PIK3AP1: variants seen among roughly 807,000 people sequenced by gnomAD.
The protein encoded by PIK3AP1 is phosphoinositide 3-kinase adapter protein 1.
PIK3AP1 carries 21 observed loss-of-function variants against 88.1 expected under a neutral mutation model. That is an observed-to-expected ratio of 0.24 (90% CI 0.17 to 0.34). The LOEUF is 0.34. PIK3AP1 is among the 10% of genes least tolerant of loss of function. The probability of loss-of-function intolerance (pLI) is 1.00; values close to 1 mark genes in which losing one functional copy is unlikely to be tolerated. For missense variants in PIK3AP1, 828 were observed against 1,035.7 expected, an observed-to-expected ratio of 0.80 and a Z score of 2.75; for synonymous variants, 398 against 400.0, an observed-to-expected ratio of 1.00 and a Z score of 0.06.
At chr10:96,630,756 T>C (rs555768872) in intron 8 of PIK3AP1, among the ~76,000 whole-genome samples, 1 of 151,946 alleles carries the variant, frequency 6.6e-6, no homozygotes, top group East Asian at 1.9e-4. Context: ...GGTGGGAGAA[T>C]TGCTTGAGCC....
chr10:96,718,933 T>C (rs536017087), intron 1 of PIK3AP1, among the ~76,000 whole-genome samples: 2 of 152,164 alleles, frequency 1.3e-5, no homozygotes, highest in Non-Finnish European at 2.9e-5. Context: ...TGGAGCACTC[T>C]TCCCCAAAGA....
chr10:96,709,702 C>G lies in PIK3AP1; in HGVS notation c.295G>C (p.Val99Leu), dbSNP rs540868181. Reference protein sequence around the residue: ...QRAFHPPHRVVRLLCGVRDSE... With the variant: ...QRAFHPPHRVLRLLCGVRDSE... ...TCCCGCACGCCGCAGAGCAGCCTGA[C>G]CACGCGGTGCGGAGGATGGAAAGCT... Residue 99 changes from valine to leucine, a missense_variant, in exon 2 of 17, where the codon GTC becomes CTC. Coordinates refer to ENST00000339364, the MANE Select transcript of PIK3AP1 (RefSeq NM_152309.3). The G allele has an allele frequency of 6.8e-6, 11 of 1,614,248 alleles. No homozygotes were observed. The South Asian group carries it at 1.2e-4, about 18-fold the overall frequency.
At chr10:96,657,797 T>C (rs369042598) in intron 2 of PIK3AP1, among the ~76,000 whole-genome samples, 3 of 151,946 alleles carry the variant, frequency 2.0e-5, no homozygotes, top group Admixed American at 6.6e-5. Flanking sequence ...GGGCTGGGCG[T>C]GGTGGCCTAT....
Position 96,651,589 on chromosome 10 carries a change from C to T in PIK3AP1, c.775G>A (p.Val259Ile), listed in dbSNP as rs374586750. ...YSGDLVVCET[V>I]ISYYTDMEEI... ...TCCATGTCAGTATAATAGCTGATAACGGTTTCACACACCACTAAGTCTCCA... is the reference window on the plus strand; with the variant it reads ...TCCATGTCAGTATAATAGCTGATAATGGTTTCACACACCACTAAGTCTCCA... The change falls in exon 5 of 17, where the codon GTT becomes ATT. Residue 259 changes from valine to isoleucine, a missense_variant. Val to Ile is a conservative substitution (Grantham distance 29, BLOSUM62 3). Coordinates refer to ENST00000339364, the MANE Select transcript of PIK3AP1 (RefSeq NM_152309.3). The T allele has an allele frequency of 4.9e-5, 79 of 1,613,952 alleles. No homozygotes were observed. Among genetic ancestry groups the T allele is most frequent in the African/African-American group, 1.2e-4 (9 of 74,894 alleles).
At chr10:96,629,909 CAAAA>C (rs66669261) in intron 8 of PIK3AP1, among the ~76,000 whole-genome samples, 2 of 5,416 alleles carry the variant, frequency 3.7e-4, no homozygotes, top group South Asian at 9.4e-3. Context: ...CAACAACAAC[CAAAA>C]AAAAAAAAAA....
rs150164489 is a variant in PIK3AP1 at position 96,683,425 on chromosome 10, T to A, written c.430+26142A>T. On this transcript the variant is annotated intron_variant, in intron 2 of 16. Coordinates refer to ENST00000339364, the MANE Select transcript of PIK3AP1 (RefSeq NM_152309.3). ...AATATTCAGAGATGTTGGAAATGTA[T>A]TTCAGATTTAGAAAAAGGTAAGAAA... Among the ~76,000 whole-genome samples the A allele has an allele frequency of 3.3e-5, 5 of 152,328 alleles. No individual in the cohort carries two copies. In the East Asian group the frequency reaches 9.6e-4, roughly 29 times the overall value.
At chr10:96,672,802 C>G (rs1843865662) in intron 2 of PIK3AP1, among the ~76,000 whole-genome samples, 1 of 152,212 alleles carries the variant, frequency 6.6e-6, no homozygotes, top group African/African-American at 2.4e-5. Context: ...CTTCAGGAAG[C>G]TTTCCCAAAT....
intron 2 of PIK3AP1, among the ~76,000 whole-genome samples, chr10:96,667,955 T>A (rs1198468197): frequency 6.6e-6 from 1 of 152,238 alleles, no homozygotes; most frequent in Non-Finnish European, 1.5e-5. Context: ...TTATTATCTA[T>A]ATTTTTATAT....
chr10:96,708,508 G>A (rs189468480), intron 2 of PIK3AP1, among the ~76,000 whole-genome samples: 1 of 145,440 alleles, frequency 6.9e-6, no homozygotes, highest in East Asian at 2.1e-4. Flanking sequence ...CCAGGAGGTG[G>A]AGGTTGCAGT....
At chr10:96,626,435 G>T (rs1346556178) in intron 10 of PIK3AP1, among the ~76,000 whole-genome samples, 1 of 152,188 alleles carries the variant, frequency 6.6e-6, no homozygotes, top group Non-Finnish European at 1.5e-5. Context: ...ATCAAGAAGG[G>T]TTTCAGGAGA....
At chr10:96,688,798 C>CAA (rs748306735) in intron 2 of PIK3AP1, among the ~76,000 whole-genome samples, 1 of 149,892 alleles carries the variant, frequency 6.7e-6, no homozygotes, top group South Asian at 2.1e-4. Flanking sequence ...GACTCTGTCT[C>CAA]AAAAAAAAGA....
In PIK3AP1 at chr10:96,626,767, G is replaced by C; in HGVS notation, c.1610C>G (p.Pro537Arg). 6.2e-7 allele frequency: 1 copy of C among 1,614,252 alleles called. No individual in the cohort carries two copies. The highest frequency in any genetic ancestry group is 1.7e-5 in the Admixed American group (1 of 60,032). Residue 537 changes from proline (P) to arginine (R), a missense_variant, in exon 10 of 17, where the codon CCA becomes CGA. Physicochemically the swap from Pro to Arg is moderately radical, Grantham distance 103 (BLOSUM62 -2). Transcript: ENST00000339364. ...ASRPPVPVPR[P>R]ETTAPGAHQL... ...GTGAGCACCAGGAGCAGTGGTCTCTGGTCTGGGCACTGGGACAGGGGGCCT... is the reference window on the plus strand; with the variant it reads ...GTGAGCACCAGGAGCAGTGGTCTCTCGTCTGGGCACTGGGACAGGGGGCCT...
intron 2 of PIK3AP1, among the ~76,000 whole-genome samples, chr10:96,692,596 G>A (rs1172472): frequency 0.57 from 86,581 of 151,752 alleles, 26,257 homozygotes; most frequent in African/African-American, 0.8. Context: ...AAGAAAGAAA[G>A]AAAAGAAAGA....
intron 8 of PIK3AP1, among the ~76,000 whole-genome samples, chr10:96,629,714 C>CAAAAAAAA (rs33921990): frequency 1.4e-5 from 1 of 71,700 alleles, no homozygotes; most frequent in African/African-American, 6.1e-5. Context: ...CCCATCTCTA[C>CAAAAAAAA]AAAAAAAAAA....
chr10:96,645,411 C>A, intron 8 of PIK3AP1, 62 bp downstream of exon 8: 1 of 1,565,370 alleles, frequency 6.4e-7, no homozygotes, highest in African/African-American at 1.4e-5. Context: ...CATCTTCATC[C>A]GGAATGAAAA....
At chr10:96,717,027 T>C (rs150524106) in intron 1 of PIK3AP1, among the ~76,000 whole-genome samples, 25 of 151,994 alleles carry the variant, frequency 1.6e-4, no homozygotes, top group African/African-American at 5.1e-4. Context: ...TTTGGGAGGC[T>C]AAGGAGGGCA....
At chr10:96,699,996 G>C (rs535953891) in intron 2 of PIK3AP1, among the ~76,000 whole-genome samples, 1 of 152,040 alleles carries the variant, frequency 6.6e-6, no homozygotes, top group Non-Finnish European at 1.5e-5. Flanking sequence ...GAAACAACAG[G>C]GTAAGAAATT....
At chr10:96,645,226 A>G (rs1320423362) in intron 8 of PIK3AP1, among the ~76,000 whole-genome samples, 1 of 152,180 alleles carries the variant, frequency 6.6e-6, no homozygotes, top group Non-Finnish European at 1.5e-5. Flanking sequence ...CGAGGCAATG[A>G]GTTCATCAAT....
rs544290580 is a variant in PIK3AP1 at position 96,604,058 on chromosome 10, T to C, written c.2171-9A>G. On this transcript the variant is annotated splice_polypyrimidine_tract_variant and intron_variant, in intron 14 of 16. Transcript: ENST00000339364. ...GCGGTTACTTGTGCTACCTAAAGGGTAGAAAGAAAATCAGCCGGATTGAGG... is the reference window on the plus strand; with the variant it reads ...GCGGTTACTTGTGCTACCTAAAGGGCAGAAAGAAAATCAGCCGGATTGAGG... 1 of 1,578,210 alleles carries C rather than the reference T, an allele frequency of 6.3e-7. No individual in the cohort carries two copies. The highest frequency in any genetic ancestry group is 1.1e-5 in the South Asian group (1 of 87,456).
Sources: allele counts gnomAD v4.1 joint callset (sites outside exome capture counted in the v4.1 genomes callset), GRCh38; gene constraint gnomAD v4.1.1; transcripts MANE v1.5; gene names NCBI Gene and HGNC (gene_info 2026-07-23, HGNC 2026-07-21).